PRDM5: variants seen among roughly 807,000 people sequenced by gnomAD.
PRDM5 encodes the protein PR/SET domain 5.
PRDM5 carries 56 observed loss-of-function variants against 81.2 expected under a neutral mutation model. That is an observed-to-expected ratio of 0.69 (90% CI 0.56 to 0.86). The LOEUF is 0.86. Ranked by LOEUF, PRDM5 falls within the 40% of genes least tolerant of loss-of-function variation. The pLI is 0.00. For missense variants in PRDM5, 697 were observed against 770.1 expected (o/e 0.91, Z 1.12); for synonymous variants, 267 against 256.4 (o/e 1.04, Z -0.39).
chr4:120,907,265 C>A (rs1356607615), intron 2 of PRDM5, among the ~76,000 whole-genome samples: 1 of 148,746 alleles, frequency 6.7e-6, no homozygotes, highest in African/African-American at 2.5e-5. Flanking sequence ...ACCTGGGGGG[C>A]GGACGTTGCA....
At chr4:120,690,561 T>C (rs149935859), downstream of PRDM5, among the ~76,000 whole-genome samples, 4 of 152,218 alleles carry the variant, frequency 2.6e-5, no homozygotes, top group East Asian at 7.7e-4. Flanking sequence ...TGAAAAAAGA[T>C]ATGCCAGTCA....
chr4:120,743,073 C>T (rs1341489303), intron 14 of PRDM5, among the ~76,000 whole-genome samples: 1 of 151,902 alleles, frequency 6.6e-6, no homozygotes, highest in Non-Finnish European at 1.5e-5. Context: ...AGACTAATAG[C>T]GGATCTCTCG....
At chr4:120,719,295 TAA>T (rs1738250942) in intron 14 of PRDM5, among the ~76,000 whole-genome samples, 1 of 152,224 alleles carries the variant, frequency 6.6e-6, no homozygotes, top group Admixed American at 6.5e-5. Flanking sequence ...TATCTGTAAT[TAA>T]AGACTTTTTC....
At chr4:120,777,075 C>T in intron 13 of PRDM5, 113 bp downstream of exon 13, 5 of 1,566,282 alleles carry the variant, frequency 3.2e-6, no homozygotes, top group Non-Finnish European at 4.3e-6. Context: ...GAGAAAACAG[C>T]CAAGATTAAT....
At chr4:120,893,853 A>G (rs918139242) in intron 2 of PRDM5, among the ~76,000 whole-genome samples, 3 of 152,216 alleles carry the variant, frequency 2.0e-5, no homozygotes, top group African/African-American at 7.2e-5. Flanking sequence ...GGTTAAACCT[A>G]ATTTCATTTG....
At chr4:120,696,020 T>C (rs979341667) in intron 15 of PRDM5, among the ~76,000 whole-genome samples, 4 of 152,054 alleles carry the variant, frequency 2.6e-5, no homozygotes, top group African/African-American at 4.8e-5. Flanking sequence ...GGAGTTTTAA[T>C]TGAGGTTAGG....
chr4:120,739,059 G>T (rs1203480627), intron 14 of PRDM5, among the ~76,000 whole-genome samples: 1 of 152,176 alleles, frequency 6.6e-6, no homozygotes. Context: ...AAGCCAAAAT[G>T]GCTTACTCAG....
intron 5 of PRDM5, 90 bp downstream of exon 5, chr4:120,818,263 C>T: frequency 7.0e-7 from 1 of 1,431,424 alleles, no homozygotes; most frequent in Non-Finnish European, 9.7e-7. Context: ...CGTGCACACA[C>T]ACACACACAG....
At chr4:120,910,765 C>T (rs72923578) in intron 1 of PRDM5, among the ~76,000 whole-genome samples, 95 of 152,042 alleles carry the variant, frequency 6.2e-4, no homozygotes, top group African/African-American at 2.3e-3. Flanking sequence ...TATACATGTG[C>T]CTTAGTAAAT....
intron 15 of PRDM5, 107 bp downstream of exon 15, chr4:120,710,202 A>G: frequency 1.1e-6 from 1 of 951,892 alleles, no homozygotes; most frequent in Non-Finnish European, 1.7e-6. Flanking sequence ...CATTCCAGCA[A>G]TGCAACACAC....
intron 3 of PRDM5, among the ~76,000 whole-genome samples, chr4:120,828,024 T>A (rs1034336471): frequency 3.3e-5 from 5 of 152,030 alleles, no homozygotes; most frequent in African/African-American, 1.2e-4. Flanking sequence ...CAGTTTCTAG[T>A]TTTTCATGTA....
chr4:120,742,288 T>A (rs1742150847), intron 14 of PRDM5, among the ~76,000 whole-genome samples: 1 of 152,000 alleles, frequency 6.6e-6, no homozygotes, highest in Admixed American at 6.6e-5. Context: ...TACATCACCA[T>A]CATCAAAGAC....
intron 13 of PRDM5, among the ~76,000 whole-genome samples, chr4:120,763,128 C>T (rs1386410606): frequency 6.6e-6 from 1 of 152,130 alleles, no homozygotes; most frequent in Non-Finnish European, 1.5e-5. Flanking sequence ...ATCCCTCCCT[C>T]ATTTCTGAAG....
intron 14 of PRDM5, among the ~76,000 whole-genome samples, chr4:120,713,140 A>G (rs1737244315): frequency 6.6e-6 from 1 of 152,226 alleles, no homozygotes; most frequent in African/African-American, 2.4e-5. Context: ...GTATATACAA[A>G]TTTTAAACTA....
intron 2 of PRDM5, among the ~76,000 whole-genome samples, chr4:120,903,070 A>T (rs1765392696): frequency 6.6e-6 from 1 of 152,234 alleles, no homozygotes; most frequent in Non-Finnish European, 1.5e-5. Context: ...AGAAGGAGTT[A>T]TGCCACATGC....
intron 15 of PRDM5, among the ~76,000 whole-genome samples, chr4:120,699,191 TATATATATA>T (rs1560890006): frequency 8.1e-6 from 1 of 122,966 alleles, no homozygotes; most frequent in East Asian, 2.3e-4. Context: ...TATATATATA[TATATATATA>T]TATATTTCAG....
intron 2 of PRDM5, among the ~76,000 whole-genome samples, chr4:120,866,943 A>G (rs980846455): frequency 6.6e-6 from 1 of 152,214 alleles, no homozygotes; most frequent in Non-Finnish European, 1.5e-5. Context: ...TGGTAAGTAT[A>G]GAAGTTAAAG....
In PRDM5 at chr4:120,685,253, G is replaced by A. The variant is rs2148974306; in HGVS notation, n.104-228C>T. On this transcript the variant is annotated intron_variant and non_coding_transcript_variant, in intron 1 of 1. Transcript: ENST00000513741. ...GTTAATAAGGAGGTAGGTAGCTGAA[G>A]GTTTATAAAATCAAAGTTATTGATT... Among the ~76,000 whole-genome samples the A allele has an allele frequency of 2.6e-5, 4 of 152,018 alleles. 1 individual carries two copies. The South Asian group carries it at 8.3e-4, about 32-fold the overall frequency.
At chr4:120,784,645 C>T (rs1000832645) in intron 11 of PRDM5, among the ~76,000 whole-genome samples, 2 of 152,100 alleles carry the variant, frequency 1.3e-5, no homozygotes, top group African/African-American at 2.4e-5. Context: ...TTTAAAGAGT[C>T]TGACACGTTT....
Sources: allele counts gnomAD v4.1 joint callset (sites outside exome capture counted in the v4.1 genomes callset), GRCh38; gene constraint gnomAD v4.1.1; transcripts MANE v1.5; gene names NCBI Gene and HGNC (gene_info 2026-07-23, HGNC 2026-07-21).